Variants in PDE12 observed in about 807,000 individuals in gnomAD.
The protein encoded by PDE12 is phosphodiesterase 12, also known as 2',5'-phosphodiesterase 12.
Under a neutral mutation model 45.4 loss-of-function variants are expected in PDE12, and 26 were observed. That is an observed-to-expected ratio of 0.57 (90% CI 0.42 to 0.79). PDE12 has a LOEUF of 0.79. PDE12 is among the 30% of genes least tolerant of loss of function. The pLI is 0.00. For synonymous variants in PDE12, 283 were observed against 323.9 expected (o/e 0.87, Z 1.36); for missense variants, 668 against 790.0 (o/e 0.85, Z 1.85).
the PDE12 span, chr3:57,630,386 T>C: frequency 6.6e-6 from 10 of 1,513,622 alleles, no homozygotes; most frequent in East Asian, 2.3e-5. Flanking sequence ...TTTTCAACAG[T>C]TGTTAATCAT....
Position 57,561,649 on chromosome 3 carries a change from G to A in PDE12, c.*1645G>A. The A allele has an allele frequency of 1.0e-6, 1 of 984,996 alleles. No individual in the cohort carries two copies. Among genetic ancestry groups the A allele is most frequent in the Non-Finnish European group, 1.2e-6 (1 of 829,654 alleles). The allele number at this position is 984,996 out of a possible 1,614,324, so 61.0% of individuals were successfully genotyped here. On this transcript the variant is annotated 3_prime_UTR_variant, in exon 3 of 3. Coordinates refer to ENST00000311180, the MANE Select transcript of PDE12 (RefSeq NM_177966.7). ...TTTCTGCATTTAATTAATAGCTCGA[G>A]TATTAAAAGCCCACTCCCTTCAAGA... is the stretch of plus-strand genomic sequence containing the variant.
the PDE12 span, among the ~76,000 whole-genome samples, chr3:57,643,346 T>A: frequency 1.3e-5 from 2 of 152,150 alleles, no homozygotes; most frequent in Non-Finnish European, 2.9e-5. Context: ...AGTTTGCACA[T>A]GTTTAGTTTC....
the PDE12 span, chr3:57,630,456 AT>A: frequency 6.3e-7 from 1 of 1,596,324 alleles, no homozygotes; most frequent in Admixed American, 1.9e-5. Flanking sequence ...AGTGCCTCCA[AT>A]TTTTGGGTCA....
chr3:57,591,030 C>A, the PDE12 span, among the ~76,000 whole-genome samples: 2 of 151,992 alleles, frequency 1.3e-5, no homozygotes, highest in African/African-American at 4.8e-5. Context: ...CATTTAATGT[C>A]CAGAAATGTC....
At chr3:57,585,311 C>G in the PDE12 span, among the ~76,000 whole-genome samples, 2 of 152,194 alleles carry the variant, frequency 1.3e-5, no homozygotes, top group African/African-American at 4.8e-5. Context: ...GTAAAAAATA[C>G]ACTGGTATAA....
the PDE12 span, among the ~76,000 whole-genome samples, chr3:57,614,586 C>T: frequency 1.4e-5 from 2 of 142,342 alleles, no homozygotes; most frequent in African/African-American, 5.2e-5. Flanking sequence ...CTCTGTTGCC[C>T]AGACTGGAGT....
At chr3:57,595,198 G>T in the PDE12 span, among the ~76,000 whole-genome samples, 1 of 152,020 alleles carries the variant, frequency 6.6e-6, no homozygotes. Context: ...TATATTCCTT[G>T]CCCCTCTGAT....
rs553233065 is a variant in PDE12, at chr3:57,564,492, A to T, written c.*4488A>T. ...TCCATTTTGCCCAGTAATTCACTTT[A>T]ATGATGTTATCATGAAGTATTGATG... On this transcript the variant is annotated 3_prime_UTR_variant, in exon 3 of 3. Coordinates refer to ENST00000311180, the MANE Select transcript of PDE12 (RefSeq NM_177966.7). 4 of 151,378 alleles carry T rather than the reference A, an allele frequency of 2.6e-5. 1 individual carries two copies. The South Asian group carries it at 8.4e-4, about 32-fold the overall frequency. 9.4% of individuals were successfully genotyped at this position (151,378 alleles called of 1,614,324 possible).
At chr3:57,617,010 C>T in the PDE12 span, among the ~76,000 whole-genome samples, 1 of 151,730 alleles carries the variant, frequency 6.6e-6, no homozygotes, top group Admixed American at 6.6e-5. Flanking sequence ...GGTGACAGAG[C>T]GAGACTCCAT....
At chr3:57,637,125 C>G in the PDE12 span, among the ~76,000 whole-genome samples, 429 of 152,196 alleles carry the variant, frequency 2.8e-3, 2 homozygotes, top group African/African-American at 9.9e-3. Flanking sequence ...CACAAATTAT[C>G]ACATTTAATC....
At chr3:57,601,790 G>C in the PDE12 span, among the ~76,000 whole-genome samples, 50 of 137,102 alleles carry the variant, frequency 3.6e-4, no homozygotes, top group African/African-American at 1.3e-3. Context: ...TGTCACCCAG[G>C]CTGGAGTGCA....
At chr3:57,633,850 T>A in the PDE12 span, among the ~76,000 whole-genome samples, 1 of 151,372 alleles carries the variant, frequency 6.6e-6, no homozygotes, top group African/African-American at 2.4e-5. Flanking sequence ...GAGATTGTGC[T>A]ATTGCACTCC....
the PDE12 span, among the ~76,000 whole-genome samples, chr3:57,655,928 C>A: frequency 6.6e-6 from 1 of 152,152 alleles, no homozygotes; most frequent in Non-Finnish European, 1.5e-5. Flanking sequence ...GCCAATTCTG[C>A]AAATTATTCC....
At chr3:57,596,440 G>A in the PDE12 span, among the ~76,000 whole-genome samples, 1 of 152,172 alleles carries the variant, frequency 6.6e-6, no homozygotes, top group Non-Finnish European at 1.5e-5. Context: ...TCAGTTTTCG[G>A]AGAATGAGAT....
chr3:57,652,056 A>AAAAT, the PDE12 span, among the ~76,000 whole-genome samples: 1 of 152,130 alleles, frequency 6.6e-6, no homozygotes, highest in African/African-American at 2.4e-5. Context: ...AATAAAAATA[A>AAAAT]AAATAAATAA....
the PDE12 span, among the ~76,000 whole-genome samples, chr3:57,609,708 C>T: frequency 6.6e-6 from 1 of 152,110 alleles, no homozygotes; most frequent in Non-Finnish European, 1.5e-5. Flanking sequence ...CCTGAATAGA[C>T]CAATAACAGG....
the PDE12 span, among the ~76,000 whole-genome samples, chr3:57,654,244 C>T: frequency 3.5e-4 from 53 of 152,062 alleles, no homozygotes; most frequent in African/African-American, 1.2e-3. Context: ...TGTGAGCCAC[C>T]GTGCCCAGCC....
the PDE12 span, among the ~76,000 whole-genome samples, chr3:57,606,935 G>A: frequency 1.3e-5 from 2 of 152,128 alleles, no homozygotes; most frequent in African/African-American, 2.4e-5. Flanking sequence ...TCTGAGAACG[G>A]ACAGACTGCC....
At chr3:57,599,664 C>T in the PDE12 span, among the ~76,000 whole-genome samples, 1 of 152,114 alleles carries the variant, frequency 6.6e-6, no homozygotes, top group Admixed American at 6.6e-5. Flanking sequence ...AGTAAGAATA[C>T]ACTACACATC....
Sources: allele counts gnomAD v4.1 joint callset (sites outside exome capture counted in the v4.1 genomes callset), GRCh38; gene constraint gnomAD v4.1.1; transcripts MANE v1.5; gene names NCBI Gene and HGNC (gene_info 2026-07-23, HGNC 2026-07-21).